The following LAMC1 variants were observed in gnomAD, a reference collection of about 807,000 sequenced individuals.
The protein encoded by LAMC1 is laminin subunit gamma-1.
In LAMC1, 38 loss-of-function variants were observed where a neutral mutation model predicts 173.6. That is an observed-to-expected ratio of 0.22 (90% CI 0.17 to 0.29). LAMC1 has a LOEUF of 0.29. Ranked by LOEUF, LAMC1 falls within the 10% of genes least tolerant of loss-of-function variation. The probability of loss-of-function intolerance (pLI) is 1.00; values close to 1 mark genes in which losing one functional copy is unlikely to be tolerated. For synonymous variants in LAMC1, 746 were observed against 749.1 expected, an observed-to-expected ratio of 1.00 and a Z score of 0.07; for missense variants, 1,824 against 2,051.8, an observed-to-expected ratio of 0.89 and a Z score of 2.14.
At chr1:183,109,500 T>C (rs1029337344) in intron 3 of LAMC1, among the ~76,000 whole-genome samples, 1 of 152,172 alleles carries the variant, frequency 6.6e-6, no homozygotes, top group Non-Finnish European at 1.5e-5. Context: ...GGAGAATGGT[T>C]GGTACCATTA....
At chr1:183,055,141 A>G (rs1401512706) in intron 1 of LAMC1, among the ~76,000 whole-genome samples, 1 of 151,718 alleles carries the variant, frequency 6.6e-6, no homozygotes, top group Non-Finnish European at 1.5e-5. Flanking sequence ...GGTGCCTGCC[A>G]CCGCGCCTGG....
intron 2 of LAMC1, among the ~76,000 whole-genome samples, chr1:183,107,265 A>G (rs1409925845): frequency 6.6e-6 from 1 of 152,170 alleles, no homozygotes; most frequent in East Asian, 1.9e-4. Flanking sequence ...TGGTACTTAC[A>G]GTGTGGTGGG....
intron 1 of LAMC1, among the ~76,000 whole-genome samples, chr1:183,048,019 C>G (rs1654311404): frequency 1.3e-5 from 2 of 152,034 alleles, no homozygotes; most frequent in African/African-American, 4.8e-5. Flanking sequence ...TTCAAGTTGC[C>G]CATACAACAC....
intron 1 of LAMC1, among the ~76,000 whole-genome samples, chr1:183,036,927 C>T (rs956672403): frequency 6.6e-6 from 1 of 152,176 alleles, no homozygotes; most frequent in Non-Finnish European, 1.5e-5. Context: ...AGGCACCCAC[C>T]ACCACGCCCG....
chr1:183,140,516 A>G lies in LAMC1; in HGVS notation c.4573+13A>G. On this transcript the variant is annotated intron_variant, in intron 27 of 27. Coordinates refer to ENST00000258341, the MANE Select transcript of LAMC1 (RefSeq NM_002293.4). ...TTGGAGCAGCTGGGTACGTAGCCAT[A>G]GAGTCATTTTTGTCAGTCTCTGAAT... 2 of 1,565,542 alleles carry G rather than the reference A, an allele frequency of 1.3e-6. No individual in the cohort carries two copies. The highest frequency in any genetic ancestry group is 1.8e-6 in the Non-Finnish European group (2 of 1,137,278).
intron 1 of LAMC1, among the ~76,000 whole-genome samples, chr1:183,101,300 A>G (rs575778598): frequency 6.6e-6 from 1 of 152,094 alleles, no homozygotes; most frequent in African/African-American, 2.4e-5. Context: ...TGCCACAGAT[A>G]CTGTACTATA....
intron 1 of LAMC1, among the ~76,000 whole-genome samples, chr1:183,060,742 A>T (rs1242131906): frequency 6.6e-6 from 1 of 152,256 alleles, no homozygotes; most frequent in Admixed American, 6.5e-5. Context: ...TGCTTATATG[A>T]CCGAATGAAT....
At chr1:183,098,337 C>T (rs549640179) in intron 1 of LAMC1, among the ~76,000 whole-genome samples, 92 of 152,312 alleles carry the variant, frequency 6.0e-4, no homozygotes, top group Admixed American at 1.4e-3. Flanking sequence ...ACACACATAC[C>T]TCGCACTTTG....
Position 183,024,043 on chromosome 1 carries a change from C to T in LAMC1, c.327C>T (p.Tyr109=). ...ACGGGGCAGCCTTCCTGACCGACTACAACAACCAGGCCGACACCACCTGGT... is the reference window on the plus strand; with the variant it reads ...ACGGGGCAGCCTTCCTGACCGACTATAACAACCAGGCCGACACCACCTGGT... ...LQHGAAFLTD[Y]NNQADTTWWQ... is the part of the protein sequence containing the mutation. Residue 109 remains tyrosine (Y), a synonymous_variant, in exon 1 of 28, where the codon TAC becomes TAT. Coordinates refer to ENST00000258341, the MANE Select transcript of LAMC1 (RefSeq NM_002293.4). 2 of 1,612,718 alleles carry T rather than the reference C, an allele frequency of 1.2e-6. No homozygotes were observed. Among genetic ancestry groups the T allele is most frequent in the Non-Finnish European group, 1.7e-6 (2 of 1,179,672 alleles).
At position 183,132,518 on chromosome 1, in the gene LAMC1, A is replaced by G; in HGVS notation, c.3685A>G (p.Ile1229Val). Reference protein sequence around the residue: ...LAGENQTAFEIEELNRKYEQA... With the variant: ...LAGENQTAFEVEELNRKYEQA... Reference sequence around the variant, plus strand: ...AGGAGAAAATCAAACAGCATTTGAGATTGAAGAGCTTAATAGGAAGTGAGT... The same window carrying G: ...AGGAGAAAATCAAACAGCATTTGAGGTTGAAGAGCTTAATAGGAAGTGAGT... The change falls in exon 21 of 28, where the codon ATT (isoleucine) becomes GTT (valine). Residue 1229 changes from isoleucine to valine, a missense_variant. Coordinates refer to ENST00000258341, the MANE Select transcript of LAMC1 (RefSeq NM_002293.4). The G allele has an allele frequency of 6.2e-7, 1 of 1,613,906 alleles. No individual in the cohort carries two copies. Among genetic ancestry groups the G allele is most frequent in the Non-Finnish European group, 8.5e-7 (1 of 1,179,820 alleles).
chr1:183,050,243 C>T (rs140068628), intron 1 of LAMC1, among the ~76,000 whole-genome samples: 2 of 150,630 alleles, frequency 1.3e-5, no homozygotes, highest in African/African-American at 4.9e-5. Flanking sequence ...GATATATTTA[C>T]CTCACTTTAT....
At chr1:183,045,422 G>A (rs1654242364) in intron 1 of LAMC1, among the ~76,000 whole-genome samples, 1 of 151,922 alleles carries the variant, frequency 6.6e-6, no homozygotes, top group East Asian at 1.9e-4. Context: ...ACAATGTATT[G>A]TTTGTTTTTG....
Position 183,136,581 on chromosome 1 carries a change from A to G in LAMC1, c.4310A>G (p.Gln1437Arg), listed in dbSNP as rs1164545346. ...HEAERIASAVQKNATSTKAEA... is the reference protein window; with the variant it reads ...HEAERIASAVRKNATSTKAEA... ...GCGGAGAGGATCGCGAGCGCTGTCCAAAAGGTGTGCGTTTCCTCTTCTCCA... is the reference window on the plus strand; with the variant it reads ...GCGGAGAGGATCGCGAGCGCTGTCCGAAAGGTGTGCGTTTCCTCTTCTCCA... Residue 1437 changes from glutamine (Q) to arginine (R), a missense_variant, in exon 25 of 28, where the codon CAA becomes CGA. Physicochemically the swap from Gln to Arg is conservative, Grantham distance 43 (BLOSUM62 1). Transcript: ENST00000258341. The G allele has an allele frequency of 3.8e-6, 6 of 1,597,874 alleles. No individual in the cohort carries two copies. The highest frequency in any genetic ancestry group is 5.1e-6 in the Non-Finnish European group (6 of 1,171,274).
At chr1:183,088,419 C>T (rs1334500056) in intron 1 of LAMC1, among the ~76,000 whole-genome samples, 1 of 152,140 alleles carries the variant, frequency 6.6e-6, no homozygotes, top group Admixed American at 6.5e-5. Context: ...CTATAACCGG[C>T]ATATTCAATC....
intron 1 of LAMC1, among the ~76,000 whole-genome samples, chr1:183,069,113 C>T (rs1169265042): frequency 6.6e-6 from 1 of 152,118 alleles, no homozygotes; most frequent in African/African-American, 2.4e-5. Context: ...CTCTACTGTA[C>T]CTGCTATATT....
At chr1:183,053,578 A>C (rs866490381) in intron 1 of LAMC1, among the ~76,000 whole-genome samples, 73 of 152,206 alleles carry the variant, frequency 4.8e-4, no homozygotes, top group South Asian at 4.1e-3. Flanking sequence ...CAGAACATTT[A>C]CATTTTGTGA....
chr1:183,077,298 G>A (rs909715101), intron 1 of LAMC1, among the ~76,000 whole-genome samples: 1 of 152,158 alleles, frequency 6.6e-6, no homozygotes, highest in Non-Finnish European at 1.5e-5. Context: ...TTTGGAGAGG[G>A]AAGACTAATG....
chr1:183,023,525 A>G lies in LAMC1; in HGVS notation c.-192A>G, dbSNP rs867695683. 2.0e-3 allele frequency: 523 copies of G among 265,712 alleles called. 2 individuals carry two copies. The highest frequency in any genetic ancestry group is 5.5e-3 in the African/African-American group (241 of 43,992). 16.5% of individuals were successfully genotyped at this position (265,712 alleles called of 1,614,324 possible). A position where few individuals can be genotyped will look rare whatever the true frequency, so the allele number is the denominator to read the frequency against. Reference sequence around the variant, plus strand: ...CGGCGCGCGGGGGCAGTGGTCGGCGAGCAGCGCGGTCCTCGCTAGGGGCGC... The same window carrying G: ...CGGCGCGCGGGGGCAGTGGTCGGCGGGCAGCGCGGTCCTCGCTAGGGGCGC... On this transcript the variant is annotated 5_prime_UTR_variant, in exon 1 of 28. Transcript: ENST00000258341.
At chr1:183,095,702 T>G (rs780661836) in intron 1 of LAMC1, among the ~76,000 whole-genome samples, 14 of 152,180 alleles carry the variant, frequency 9.2e-5, no homozygotes, top group Non-Finnish European at 1.9e-4. Flanking sequence ...GACTTATTCA[T>G]GCCTGTAGTC....
Sources: allele counts gnomAD v4.1 joint callset (sites outside exome capture counted in the v4.1 genomes callset), GRCh38; gene constraint gnomAD v4.1.1; transcripts MANE v1.5; gene names NCBI Gene and HGNC (gene_info 2026-07-23, HGNC 2026-07-21).